Variants in SLC24A3 observed in about 807,000 individuals in gnomAD.
The protein encoded by SLC24A3 is sodium/potassium/calcium exchanger 3.
A neutral mutation model predicts 75.8 loss-of-function variants in SLC24A3; 28 were observed. The observed-to-expected ratio is 0.37, with a 90% CI of 0.27 to 0.51. The LOEUF (loss-of-function observed/expected upper bound fraction) is 0.51. Ranked by LOEUF, SLC24A3 falls within the 20% of genes least tolerant of loss-of-function variation. The probability of loss-of-function intolerance (pLI) is 0.94; values close to 1 mark genes in which losing one functional copy is unlikely to be tolerated. For missense variants in SLC24A3, 663 were observed against 847.8 expected, an observed-to-expected ratio of 0.78 and a Z score of 2.71; for synonymous variants, 372 against 334.1, an observed-to-expected ratio of 1.11 and a Z score of -1.24.
Position 19,685,186 on chromosome 20 carries a change from T to C in SLC24A3, c.1149T>C (p.Asn383=). 1.9e-6 allele frequency: 3 copies of C among 1,614,036 alleles called. No homozygotes were observed. Among genetic ancestry groups the C allele is most frequent in the East Asian group, 2.2e-5 (1 of 44,860 alleles). The part of the protein sequence containing the change: ...IKIPIKHTVE[N]GTGPSSAPDR... ...TCCCAATTAAGCACACCGTGGAGAA[T>C]GGGACAGGGCCCAGCAGTGCCCCAG... Residue 383 remains asparagine, a synonymous_variant, in exon 12 of 17, where the codon AAT becomes AAC. Coordinates refer to ENST00000328041, the MANE Select transcript of SLC24A3 (RefSeq NM_020689.4).
intron 2 of SLC24A3, among the ~76,000 whole-genome samples, chr20:19,406,340 G>A (rs868486314): frequency 4.3e-4 from 65 of 152,258 alleles, no homozygotes; most frequent in African/African-American, 1.3e-3. Context: ...GAAGGCAATT[G>A]TGAAATTATA....
intron 16 of SLC24A3, among the ~76,000 whole-genome samples, chr20:19,719,865 C>T (rs1042772674): frequency 6.6e-5 from 10 of 151,972 alleles, no homozygotes; most frequent in Admixed American, 1.3e-4. Flanking sequence ...GTGACTCCAG[C>T]GAGTGTGGGT....
chr20:19,447,617 A>G (rs1032656177), intron 2 of SLC24A3, among the ~76,000 whole-genome samples: 1 of 152,232 alleles, frequency 6.6e-6, no homozygotes, highest in Non-Finnish European at 1.5e-5. Flanking sequence ...TGGCAGGTTT[A>G]CCATCATTGG....
intron 2 of SLC24A3, among the ~76,000 whole-genome samples, chr20:19,362,807 A>G (rs1985815098): frequency 6.6e-6 from 1 of 152,118 alleles, no homozygotes; most frequent in Non-Finnish European, 1.5e-5. Context: ...ACAAAGATGA[A>G]CTGAGCTGGA....
At chr20:19,416,088 G>A (rs1348815351) in intron 2 of SLC24A3, among the ~76,000 whole-genome samples, 2 of 152,190 alleles carry the variant, frequency 1.3e-5, no homozygotes, top group African/African-American at 4.8e-5. Context: ...AGTAATGATA[G>A]TTAATGTGTT....
Position 19,579,506 on chromosome 20 carries a change from A to T in SLC24A3, c.349-494A>T, listed in dbSNP as rs527493336. Among the ~76,000 whole-genome samples the T allele has an allele frequency of 7.2e-5, 11 of 152,386 alleles. No individual in the cohort carries two copies. The East Asian group carries it at 1.7e-3, about 24-fold the overall frequency. ...GACTGCTGCGGATATGGCAATCATT[A>T]TATGAAATTAATTATATGACATCAT... On this transcript the variant is annotated intron_variant, in intron 3 of 16. Transcript: ENST00000328041.
At chr20:19,619,466 A>G (rs73900578) in intron 6 of SLC24A3, among the ~76,000 whole-genome samples, 2,256 of 152,252 alleles carry the variant, frequency 0.015, 60 homozygotes, top group African/African-American at 0.051. Context: ...AGCCACCCCA[A>G]TCGATGCCAA....
chr20:19,591,808 T>C (rs901955936), intron 6 of SLC24A3, among the ~76,000 whole-genome samples: 1 of 152,236 alleles, frequency 6.6e-6, no homozygotes, highest in African/African-American at 2.4e-5. Context: ...TTTCAGTTTA[T>C]TATAAAAAGC....
intron 2 of SLC24A3, among the ~76,000 whole-genome samples, chr20:19,421,701 A>G (rs1329771135): frequency 6.6e-6 from 1 of 152,234 alleles, no homozygotes. Context: ...TTTACTGGGC[A>G]AAAAGGAAAA....
Position 19,580,202 on chromosome 20 carries a change from C to A in SLC24A3, c.423+128C>A, listed in dbSNP as rs993218561. On this transcript the variant is annotated intron_variant, in intron 4 of 16. Coordinates refer to ENST00000328041, the MANE Select transcript of SLC24A3 (RefSeq NM_020689.4). ...GGGCAGCTGCAGCGGGAACACCAGG[C>A]ATCACCATGTTTGAGAGCAATGGGC... 8.6e-6 allele frequency: 6 copies of A among 695,492 alleles called. No individual in the cohort carries two copies. The African/African-American group carries it at 1.1e-4, about 12-fold the overall frequency. The allele number at this position is 695,492 out of a possible 1,614,324, so 43.1% of individuals were successfully genotyped here. A position where few individuals can be genotyped will look rare whatever the true frequency, so the allele number is the denominator to read the frequency against.
chr20:19,275,411 G>T (rs191494558), intron 1 of SLC24A3, among the ~76,000 whole-genome samples: 1 of 152,294 alleles, frequency 6.6e-6, no homozygotes, highest in African/African-American at 2.4e-5. Context: ...TGCTGCCACC[G>T]CGGTGTCTGA....
At chr20:19,451,536 A>G (rs1987480785) in intron 2 of SLC24A3, among the ~76,000 whole-genome samples, 2 of 152,158 alleles carry the variant, frequency 1.3e-5, no homozygotes, top group African/African-American at 4.8e-5. Flanking sequence ...ACTTGTGCCA[A>G]CTCATGAGTT....
At chr20:19,259,443 C>A (rs1032038613) in intron 1 of SLC24A3, among the ~76,000 whole-genome samples, 1 of 152,292 alleles carries the variant, frequency 6.6e-6, no homozygotes, top group African/African-American at 2.4e-5. Context: ...AGTTCAGGAC[C>A]AGAGGCCTTT....
At chr20:19,535,735 C>T (rs1183561487) in intron 3 of SLC24A3, among the ~76,000 whole-genome samples, 2 of 152,060 alleles carry the variant, frequency 1.3e-5, no homozygotes, top group African/African-American at 4.8e-5. Context: ...GAATCTTGGA[C>T]CTAGATTGCA....
chr20:19,589,219 G>A (rs1411671509), intron 6 of SLC24A3, among the ~76,000 whole-genome samples: 1 of 152,268 alleles, frequency 6.6e-6, no homozygotes, highest in Non-Finnish European at 1.5e-5. Context: ...GTGGAGGAAA[G>A]TGTGTTAGCA....
chr20:19,426,630 A>G (rs1161940099), intron 2 of SLC24A3, among the ~76,000 whole-genome samples: 1 of 152,228 alleles, frequency 6.6e-6, no homozygotes, highest in Non-Finnish European at 1.5e-5. Context: ...TTTCGAGGTA[A>G]ACTCCTGAAA....
chr20:19,408,054 A>T (rs1600468908), intron 2 of SLC24A3, among the ~76,000 whole-genome samples: 1 of 152,224 alleles, frequency 6.6e-6, no homozygotes, highest in Admixed American at 6.5e-5. Context: ...AATAGAAAAG[A>T]AGTCCTCCCT....
intron 2 of SLC24A3, among the ~76,000 whole-genome samples, chr20:19,335,333 C>T (rs994868817): frequency 3.9e-5 from 6 of 152,216 alleles, no homozygotes; most frequent in Non-Finnish European, 8.8e-5. Context: ...TCCAGCTTCT[C>T]TTAGCCCACA....
At chr20:19,513,385 A>T (rs1326852903) in intron 2 of SLC24A3, among the ~76,000 whole-genome samples, 1 of 152,180 alleles carries the variant, frequency 6.6e-6, no homozygotes, top group Non-Finnish European at 1.5e-5. Flanking sequence ...CTGGAATAAT[A>T]ATCTGTTTGT....
Sources: gnomAD v4.1 joint callset for allele counts (sites outside exome capture counted in the v4.1 genomes callset) on GRCh38, gnomAD v4.1.1 for gene constraint, MANE v1.5 for transcripts, NCBI Gene and HGNC (gene_info 2026-07-23, HGNC 2026-07-21) for gene names.